The following KCND2 variants were observed in gnomAD, a reference collection of about 807,000 sequenced individuals.
The protein encoded by KCND2 is A-type voltage-gated potassium channel KCND2.
KCND2 carries 16 observed loss-of-function variants against 54.4 expected under a neutral mutation model. The ratio of observed to expected loss-of-function variants is 0.29; its 90% CI spans 0.20 to 0.45. The LOEUF is 0.45. Ranked by LOEUF, KCND2 falls within the 20% of genes least tolerant of loss-of-function variation. The pLI, the probability that KCND2 is intolerant of heterozygous loss-of-function variation, is 1.00. For synonymous variants in KCND2, 317 were observed against 310.7 expected, an observed-to-expected ratio of 1.02 and a Z score of -0.21; for missense variants, 486 against 824.2, an observed-to-expected ratio of 0.59 and a Z score of 5.02.
chr7:120,366,578 A>G (rs986986233), intron 1 of KCND2, among the ~76,000 whole-genome samples: 4 of 151,760 alleles, frequency 2.6e-5, no homozygotes, highest in Admixed American at 2.6e-4. Flanking sequence ...AAAAGAGAAG[A>G]AAGAAACTTT....
chr7:120,615,285 A>G (rs1793009756), intron 1 of KCND2, among the ~76,000 whole-genome samples: 1 of 152,192 alleles, frequency 6.6e-6, no homozygotes, highest in Admixed American at 6.6e-5. Flanking sequence ...ACAGTCCTCT[A>G]CCAGAACCTG....
chr7:120,577,293 A>G (rs1322655684), intron 1 of KCND2, among the ~76,000 whole-genome samples: 1 of 152,104 alleles, frequency 6.6e-6, no homozygotes, highest in South Asian at 2.1e-4. Context: ...CATACTTTGA[A>G]CTCATGGAAA....
chr7:120,430,960 A>C (rs1001272250), intron 1 of KCND2, among the ~76,000 whole-genome samples: 2 of 152,238 alleles, frequency 1.3e-5, no homozygotes, highest in African/African-American at 4.8e-5. Flanking sequence ...ACAAATATCT[A>C]ATGTGGCAAA....
At chr7:120,447,755 A>C (rs1421943426) in intron 1 of KCND2, among the ~76,000 whole-genome samples, 1 of 152,206 alleles carries the variant, frequency 6.6e-6, no homozygotes, top group Non-Finnish European at 1.5e-5. Flanking sequence ...AGTATTCTCA[A>C]ATGAATATTT....
At chr7:120,618,455 A>G (rs1793056106) in intron 1 of KCND2, among the ~76,000 whole-genome samples, 1 of 152,230 alleles carries the variant, frequency 6.6e-6, no homozygotes, top group Admixed American at 6.5e-5. Context: ...CTGAGTCTCT[A>G]AACTGAGTTA....
chr7:120,351,931 C>A (rs1800414399), intron 1 of KCND2, among the ~76,000 whole-genome samples: 1 of 152,034 alleles, frequency 6.6e-6, no homozygotes, highest in South Asian at 2.1e-4. Flanking sequence ...CCTGCCTCAG[C>A]CTCCCAAGTA....
chr7:120,714,483 A>G (rs898565363), intron 1 of KCND2, among the ~76,000 whole-genome samples: 1 of 152,148 alleles, frequency 6.6e-6, no homozygotes, highest in Non-Finnish European at 1.5e-5. Context: ...ATATCTCTCC[A>G]CAGAAACAAC....
At chr7:120,683,286 C>G (rs1229160296) in intron 1 of KCND2, among the ~76,000 whole-genome samples, 1 of 152,032 alleles carries the variant, frequency 6.6e-6, no homozygotes, top group East Asian at 1.9e-4. Context: ...AGGAGGTACT[C>G]CAGTCTACTA....
At chr7:120,741,060 A>G (rs964150237) in intron 2 of KCND2, among the ~76,000 whole-genome samples, 1 of 151,736 alleles carries the variant, frequency 6.6e-6, no homozygotes, top group Non-Finnish European at 1.5e-5. Flanking sequence ...AAAAAAAAAA[A>G]AAGAAAGGAA....
intron 1 of KCND2, among the ~76,000 whole-genome samples, chr7:120,306,390 C>T (rs1371465412): frequency 6.6e-6 from 1 of 151,830 alleles, no homozygotes; most frequent in Non-Finnish European, 1.5e-5. Flanking sequence ...CCTTGTGGTA[C>T]TTTGTTTAAA....
chr7:120,482,001 A>G (rs1802614089), intron 1 of KCND2, among the ~76,000 whole-genome samples: 1 of 152,162 alleles, frequency 6.6e-6, no homozygotes, highest in Admixed American at 6.5e-5. Context: ...GAGGTCACCA[A>G]CATGCAACTC....
chr7:120,274,625 A>G lies in KCND2; in HGVS notation c.-8A>G. The G allele has an allele frequency of 6.2e-7, 1 of 1,614,070 alleles. No homozygotes were observed. Among genetic ancestry groups the G allele is most frequent in the Non-Finnish European group, 8.5e-7 (1 of 1,180,014 alleles). On this transcript the variant is annotated 5_prime_UTR_variant, in exon 1 of 6. Coordinates refer to ENST00000331113, the MANE Select transcript of KCND2 (RefSeq NM_012281.3). Reference sequence around the variant, plus strand: ...TCGTTACCCTTCTTCCTTCCGCTTCAAGTAATCATGGCGGCGGGGGTGGCA... The same window carrying G: ...TCGTTACCCTTCTTCCTTCCGCTTCGAGTAATCATGGCGGCGGGGGTGGCA...
intron 1 of KCND2, among the ~76,000 whole-genome samples, chr7:120,424,790 G>T (rs1280622649): frequency 6.6e-6 from 1 of 152,160 alleles, no homozygotes; most frequent in Non-Finnish European, 1.5e-5. Flanking sequence ...TAAATTAACA[G>T]CTTACTTGAC....
At chr7:120,547,686 C>G (rs1423275095) in intron 1 of KCND2, among the ~76,000 whole-genome samples, 1 of 152,002 alleles carries the variant, frequency 6.6e-6, no homozygotes, top group Non-Finnish European at 1.5e-5. Flanking sequence ...CTCTAGGCAA[C>G]TAAGAATGAT....
chr7:120,690,403 G>A (rs541542057), intron 1 of KCND2, among the ~76,000 whole-genome samples: 1 of 152,198 alleles, frequency 6.6e-6, no homozygotes, highest in Non-Finnish European at 1.5e-5. Context: ...CTGACCTTAA[G>A]TATTTAATTA....
In KCND2 at chr7:120,582,008, C is replaced by T. The variant is rs117216301; in HGVS notation, c.1116-150895C>T. On this transcript the variant is annotated intron_variant, in intron 1 of 5. Transcript: ENST00000331113. ...GGATTACAGGTGTGAGCCACCGCACCGGGCCAATCTTAACAATTTAACAAG... is the reference window on the plus strand; with the variant it reads ...GGATTACAGGTGTGAGCCACCGCACTGGGCCAATCTTAACAATTTAACAAG... 2.0e-4 allele frequency among the ~76,000 whole-genome samples: 30 copies of T among 152,264 alleles called. No homozygotes were observed. The East Asian group carries it at 3.5e-3, about 18-fold the overall frequency.
chr7:120,416,953 C>T (rs1254504416), intron 1 of KCND2, among the ~76,000 whole-genome samples: 1 of 152,202 alleles, frequency 6.6e-6, no homozygotes, highest in African/African-American at 2.4e-5. Flanking sequence ...TCAAGCAGTT[C>T]TCCTGCCTCA....
At chr7:120,394,984 C>G (rs949589393) in intron 1 of KCND2, among the ~76,000 whole-genome samples, 1 of 152,000 alleles carries the variant, frequency 6.6e-6, no homozygotes, top group Non-Finnish European at 1.5e-5. Context: ...CTATACCACT[C>G]TATACCATTC....
At chr7:120,422,010 ACTT>A (rs1212971353) in intron 1 of KCND2, among the ~76,000 whole-genome samples, 2 of 152,188 alleles carry the variant, frequency 1.3e-5, no homozygotes, top group African/African-American at 4.8e-5. Context: ...GTTGTTCAGT[ACTT>A]CTTCCTTACA....
Sources: allele counts gnomAD v4.1 joint callset (sites outside exome capture counted in the v4.1 genomes callset), GRCh38; gene constraint gnomAD v4.1.1; transcripts MANE v1.5; gene names NCBI Gene and HGNC (gene_info 2026-07-23, HGNC 2026-07-21).